KANK1: variants seen among roughly 807,000 people sequenced by gnomAD.
The protein encoded by KANK1 is KN motif and ankyrin repeat domains 1.
KANK1 carries 109 observed loss-of-function variants against 106.2 expected under a neutral mutation model. That is an observed-to-expected ratio of 1.03 (90% CI 0.88 to 1.20). KANK1 has a LOEUF of 1.20. Among genes scored for constraint, KANK1 ranks in the 50% most tolerant of loss-of-function variants. The probability of loss-of-function intolerance (pLI) is 0.00; values close to 1 mark genes in which losing one functional copy is unlikely to be tolerated. For missense variants in KANK1, 2,399 were observed against 1,710.7 expected (o/e 1.40, Z -7.10); for synonymous variants, 873 against 652.2 (o/e 1.34, Z -5.16).
intron 1 of KANK1, among the ~76,000 whole-genome samples, chr9:605,614 T>A (rs1828906345): frequency 6.6e-6 from 1 of 151,744 alleles, no homozygotes; most frequent in Non-Finnish European, 1.5e-5. Context: ...ATCTCTTCTG[T>A]ACAGGTGGAG....
chr9:706,745 C>CAG, intron 2 of KANK1: 3 of 981,018 alleles, frequency 3.1e-6, no homozygotes, highest in Non-Finnish European at 3.6e-6. Flanking sequence ...AAGAGTCAGG[C>CAG]AGTGCTCTGG....
At chr9:588,207 A>G (rs1823986987) in intron 1 of KANK1, among the ~76,000 whole-genome samples, 1 of 152,210 alleles carries the variant, frequency 6.6e-6, no homozygotes. Flanking sequence ...TTTCCTTAAT[A>G]AAATGCTTAT....
At chr9:643,543 A>ATTTTTTTTTTTT (rs774468238) in intron 1 of KANK1, among the ~76,000 whole-genome samples, 6 of 102,442 alleles carry the variant, frequency 5.9e-5, no homozygotes, top group South Asian at 3.2e-4. Context: ...TTTCTTTTTG[A>ATTTTTTTTTTTT]TTTTTTTTTT....
chr9:671,057 A>G (rs553031534), intron 1 of KANK1, among the ~76,000 whole-genome samples: 2 of 142,808 alleles, frequency 1.4e-5, no homozygotes, highest in South Asian at 4.5e-4. Flanking sequence ...TCGATGGTGT[A>G]TATTTATTTT....
upstream of KANK1, among the ~76,000 whole-genome samples, chr9:502,542 T>TTTC (rs1298444790): frequency 1.4e-4 from 18 of 129,514 alleles, no homozygotes; most frequent in African/African-American, 8.7e-4. Context: ...TTTTTTTTTT[T>TTTC]TCTTAGAGTC....
intron 1 of KANK1, among the ~76,000 whole-genome samples, chr9:529,744 A>G (rs1462240807): frequency 2.0e-5 from 3 of 152,238 alleles, no homozygotes; most frequent in South Asian, 2.1e-4. Context: ...CAATGCTGCA[A>G]GGGGTAACTT....
chr9:577,455 T>C (rs1820884203), intron 1 of KANK1, among the ~76,000 whole-genome samples: 1 of 152,086 alleles, frequency 6.6e-6, no homozygotes, highest in Non-Finnish European at 1.5e-5. Context: ...ATTGGCGCGC[T>C]TACAAACCTT....
intron 1 of KANK1, among the ~76,000 whole-genome samples, chr9:512,846 C>T (rs1450346463): frequency 6.6e-6 from 1 of 152,232 alleles, no homozygotes; most frequent in Non-Finnish European, 1.5e-5. Context: ...TCACACCTCT[C>T]TTTCCTCTTC....
intron 1 of KANK1, among the ~76,000 whole-genome samples, chr9:536,569 C>A (rs1162537468): frequency 6.6e-6 from 1 of 152,160 alleles, no homozygotes; most frequent in Non-Finnish European, 1.5e-5. Flanking sequence ...AATTTAGTCC[C>A]TTTTACGCCT....
chr9:664,300 C>G (rs1465112138), intron 1 of KANK1, among the ~76,000 whole-genome samples: 1 of 152,150 alleles, frequency 6.6e-6, no homozygotes, highest in African/African-American at 2.4e-5. Context: ...GTAGCTCCCA[C>G]ATATGAGTGA....
chr9:592,003 T>G (rs1221363478), intron 1 of KANK1, among the ~76,000 whole-genome samples: 2 of 151,720 alleles, frequency 1.3e-5, no homozygotes, highest in Admixed American at 1.3e-4. Context: ...TGTTTCCCCC[T>G]CCAGCCTGTA....
chr9:584,610 A>G (rs1822995440), intron 1 of KANK1, among the ~76,000 whole-genome samples: 1 of 152,224 alleles, frequency 6.6e-6, no homozygotes, highest in Non-Finnish European at 1.5e-5. Flanking sequence ...GAAGAAGAAT[A>G]TAACTTAGCA....
chr9:511,487 C>G (rs1422540603), intron 1 of KANK1, among the ~76,000 whole-genome samples: 1 of 152,158 alleles, frequency 6.6e-6, no homozygotes, highest in African/African-American at 2.4e-5. Flanking sequence ...AATTTCCCAT[C>G]TATAAACAGG....
chr9:664,369 G>GT (rs1844080364), intron 1 of KANK1, among the ~76,000 whole-genome samples: 1 of 152,042 alleles, frequency 6.6e-6, no homozygotes. Context: ...ATGACCCCCA[G>GT]TTTCATCCAT....
intron 1 of KANK1, among the ~76,000 whole-genome samples, chr9:591,139 A>G (rs1001766404): frequency 1.3e-5 from 2 of 151,766 alleles, no homozygotes; most frequent in African/African-American, 2.4e-5. Context: ...TATTTTTGTT[A>G]CTGACTTGCA....
intron 1 of KANK1, among the ~76,000 whole-genome samples, chr9:574,464 T>C (rs780622302): frequency 6.6e-6 from 1 of 152,132 alleles, no homozygotes; most frequent in Non-Finnish European, 1.5e-5. Flanking sequence ...CCACCTTAAA[T>C]TGAAGTATGT....
chr9:553,172 T>G (rs1367490031), intron 1 of KANK1, among the ~76,000 whole-genome samples: 1 of 152,156 alleles, frequency 6.6e-6, no homozygotes, highest in African/African-American at 2.4e-5. Flanking sequence ...TGTAATTTTG[T>G]CACCTTTATT....
At chr9:580,443 C>G (rs534871392) in intron 1 of KANK1, among the ~76,000 whole-genome samples, 1 of 152,270 alleles carries the variant, frequency 6.6e-6, no homozygotes, top group African/African-American at 2.4e-5. Flanking sequence ...CTTATCTGGC[C>G]CCACCCACAT....
intron 1 of KANK1, chr9:549,554 T>A (rs1587717034): frequency 6.6e-6 from 1 of 152,282 alleles, no homozygotes. Context: ...TTTTCCTTCC[T>A]TTTCCTATTC....
Sources: gnomAD v4.1 joint callset for allele counts (sites outside exome capture counted in the v4.1 genomes callset) on GRCh38, gnomAD v4.1.1 for gene constraint, MANE v1.5 for transcripts, NCBI Gene and HGNC (gene_info 2026-07-23, HGNC 2026-07-21) for gene names.